The following RFPL1 variants were observed in gnomAD, a reference collection of about 807,000 sequenced individuals.
RFPL1 encodes the protein ret finger protein like 1.
RFPL1 carries 6 observed loss-of-function variants against 9.6 expected under a neutral mutation model. The observed-to-expected ratio is 0.62, with a 90% CI of 0.34 to 1.23. RFPL1 has a LOEUF of 1.23. RFPL1 is among the 50% of genes most tolerant of loss of function. The pLI is 0.03. For synonymous variants in RFPL1, 145 were observed against 149.4 expected, an observed-to-expected ratio of 0.97 and a Z score of 0.22; for missense variants, 352 against 398.4, an observed-to-expected ratio of 0.88 and a Z score of 0.99.
the RFPL1 span, among the ~76,000 whole-genome samples, chr22:29,410,447 T>C: frequency 2.2e-5 from 2 of 92,360 alleles, no homozygotes; most frequent in African/African-American, 1.1e-4. Flanking sequence ...TATATATCTA[T>C]ATATAGATAT....
the RFPL1 span, chr22:29,423,061 G>A: frequency 1.8e-6 from 2 of 1,099,886 alleles, no homozygotes; most frequent in East Asian, 2.4e-5. Flanking sequence ...ACCGCCATAG[G>A]AGGAAAACAG....
the RFPL1 span, among the ~76,000 whole-genome samples, chr22:29,403,342 T>C: frequency 6.1e-4 from 93 of 152,152 alleles, no homozygotes; most frequent in African/African-American, 2.1e-3. Context: ...GAAATGAATA[T>C]GATGGGCTAA....
At chr22:29,416,856 C>T in the RFPL1 span, among the ~76,000 whole-genome samples, 2 of 152,202 alleles carry the variant, frequency 1.3e-5, no homozygotes, top group Non-Finnish European at 2.9e-5. Context: ...GGTCTGAGAA[C>T]AAGGTCCATG....
the RFPL1 span, among the ~76,000 whole-genome samples, chr22:29,389,038 G>A: frequency 6.6e-6 from 1 of 152,250 alleles, no homozygotes; most frequent in Admixed American, 6.5e-5. Context: ...CACTACGCCC[G>A]GCTAATTACT....
chr22:29,418,717 G>A, the RFPL1 span, among the ~76,000 whole-genome samples: 1 of 151,728 alleles, frequency 6.6e-6, no homozygotes, highest in African/African-American at 2.4e-5. Context: ...CCAGGCTGGT[G>A]TCGAACTCCT....
upstream of RFPL1, chr22:29,437,655 T>A: frequency 6.3e-7 from 1 of 1,592,744 alleles, no homozygotes; most frequent in Admixed American, 1.9e-5. Context: ...TAAAACGCCC[T>A]CATGTGCCCC....
chr22:29,395,274 C>G, the RFPL1 span, among the ~76,000 whole-genome samples: 1 of 152,180 alleles, frequency 6.6e-6, no homozygotes, highest in South Asian at 2.1e-4. Flanking sequence ...TACTATTCCT[C>G]TACTCCAGTC....
chr22:29,410,271 TA>T, the RFPL1 span, among the ~76,000 whole-genome samples: 5 of 127,382 alleles, frequency 3.9e-5, no homozygotes, highest in South Asian at 2.6e-4. Context: ...TATATATATC[TA>T]TATATATAGA....
the RFPL1 span, among the ~76,000 whole-genome samples, chr22:29,420,391 C>T: frequency 2.6e-5 from 4 of 151,962 alleles, no homozygotes; most frequent in East Asian, 7.8e-4. Context: ...AGTGCAGTGG[C>T]CCCATCTCAG....
At chr22:29,436,559 C>T (rs2062809615), upstream of RFPL1, 1 of 149,868 alleles carries the variant, frequency 6.7e-6, no homozygotes, top group East Asian at 2.0e-4. Context: ...AAGTTTGTGC[C>T]ACTGCACTCC....
the RFPL1 span, among the ~76,000 whole-genome samples, chr22:29,394,181 C>G: frequency 6.6e-6 from 1 of 152,202 alleles, no homozygotes; most frequent in Non-Finnish European, 1.5e-5. Context: ...CTGGTGGAGA[C>G]AGGGCTGTCC....
chr22:29,408,810 T>C, the RFPL1 span, among the ~76,000 whole-genome samples: 19 of 152,272 alleles, frequency 1.2e-4, no homozygotes, highest in South Asian at 3.9e-3. Flanking sequence ...CTTTTCTCCT[T>C]GAAAAATAAT....
the RFPL1 span, among the ~76,000 whole-genome samples, chr22:29,431,800 C>T: frequency 2.0e-5 from 3 of 151,862 alleles, no homozygotes; most frequent in Non-Finnish European, 4.4e-5. Context: ...AAGTGATTCT[C>T]CTGCCTCAGC....
the RFPL1 span, among the ~76,000 whole-genome samples, chr22:29,393,398 G>C: frequency 1.3e-5 from 2 of 152,202 alleles, no homozygotes; most frequent in Non-Finnish European, 2.9e-5. Flanking sequence ...CTAGTAAGAG[G>C]AAGTACAGTT....
At chr22:29,408,517 G>C in the RFPL1 span, among the ~76,000 whole-genome samples, 1 of 152,246 alleles carries the variant, frequency 6.6e-6, no homozygotes, top group Admixed American at 6.5e-5. Flanking sequence ...CATTGAAGAT[G>C]TGCAGGCGTC....
At chr22:29,390,067 T>C in the RFPL1 span, among the ~76,000 whole-genome samples, 1 of 152,210 alleles carries the variant, frequency 6.6e-6, no homozygotes, top group Non-Finnish European at 1.5e-5. Flanking sequence ...CCCAAAGTGA[T>C]GGGATTATAG....
chr22:29,433,444 AAG>A, the RFPL1 span: 1 of 152,672 alleles, frequency 6.5e-6, no homozygotes, highest in African/African-American at 2.4e-5. Context: ...GTCACTATAA[AAG>A]ACATCACGCC....
the RFPL1 span, among the ~76,000 whole-genome samples, chr22:29,421,968 G>T: frequency 6.6e-6 from 1 of 152,142 alleles, no homozygotes; most frequent in Non-Finnish European, 1.5e-5. Flanking sequence ...CAGACTTCGG[G>T]TCCTGGATCA....
At chr22:29,410,450 A>AGATATATATATTG in the RFPL1 span, among the ~76,000 whole-genome samples, 2 of 87,134 alleles carry the variant, frequency 2.3e-5, no homozygotes, top group South Asian at 3.5e-4. Context: ...ATATCTATAT[A>AGATATATATATTG]TAGATATATA....
Sources: gnomAD v4.1 joint callset for allele counts (sites outside exome capture counted in the v4.1 genomes callset) on GRCh38, gnomAD v4.1.1 for gene constraint, MANE v1.5 for transcripts, NCBI Gene and HGNC (gene_info 2026-07-23, HGNC 2026-07-21) for gene names.